Variants in FGF22 observed in about 807,000 individuals in gnomAD.
FGF22 encodes fibroblast growth factor 22, also known as FGF-22.
Under a neutral mutation model 10.3 loss-of-function variants are expected in FGF22, and 11 were observed. That is an observed-to-expected ratio of 1.07 (90% confidence interval 0.67 to 1.77). The LOEUF is 1.77. Ranked by LOEUF, FGF22 falls within the 40% of genes most tolerant of loss-of-function variation. FGF22 has a pLI of 0.00. For missense variants in FGF22, 317 were observed against 273.2 expected, an observed-to-expected ratio of 1.16 and a Z score of -1.13; for synonymous variants, 136 against 122.1, an observed-to-expected ratio of 1.11 and a Z score of -0.75.
intron 2 of FGF22, 21 bp from the exon 3 acceptor site, chr19:643,389 C>T (rs753003129): frequency 1.7e-4 from 265 of 1,602,858 alleles, no homozygotes; most frequent in Non-Finnish European, 2.0e-4. Context: ...GAGGGTGGGC[C>T]GGCCTCACCC....
exon 1 of FGF22, chr19:639,981 A>G (rs1390985989): frequency 7.9e-7 from 1 of 1,266,588 alleles, no homozygotes; most frequent in Non-Finnish European, 9.9e-7. Flanking sequence ...CGGGCGCCGG[A>G]CGCCGCGGGA....
exon 3 of FGF22, chr19:644,234 T>G (rs1191432253): frequency 6.5e-6 from 1 of 153,776 alleles, no homozygotes; most frequent in Non-Finnish European, 1.4e-5. Flanking sequence ...TGCCTCCAGA[T>G]GCTGGGGAAG....
At chr19:643,326 C>T (rs1340745807) in exon 2 of FGF22, 6 of 1,610,406 alleles carry the variant, frequency 3.7e-6, no homozygotes, top group Non-Finnish European at 5.1e-6. Context: ...GCCGGGGCCG[C>T]CTCTACGGGT....
exon 1 of FGF22, chr19:639,923 G>C (rs1465229649): frequency 1.6e-6 from 2 of 1,221,640 alleles, no homozygotes; most frequent in East Asian, 3.4e-5. Flanking sequence ...CGGGTGCCGG[G>C]TCATGCGCCG....
At position 640,152 on chromosome 19, in the gene FGF22, C is replaced by T. The variant is rs1985854525; in HGVS notation, c.214+13C>T. 6 of 1,245,354 alleles carry T rather than the reference C, an allele frequency of 4.8e-6. No individual in the cohort carries two copies. The highest frequency in any genetic ancestry group is 8.7e-5 in the Admixed American group (2 of 22,896). 77.1% of individuals were successfully genotyped at this position (1,245,354 alleles called of 1,614,324 possible). ...CACGGCCAGGACAGTGAGTGCGGGG[C>T]GGCGGGGGCCTGGGGTGGGGAGGCG... On this transcript the variant is annotated intron_variant, in intron 1 of 2. Coordinates refer to ENST00000215530, the Ensembl canonical transcript of FGF22.
chr19:641,540 C>A (rs1186240065), intron 1 of FGF22: 75 of 223,450 alleles, frequency 3.4e-4, no homozygotes, highest in Admixed American at 1.5e-3. Flanking sequence ...GCGCCACTGC[C>A]CTCCACCCTG....
At chr19:640,258 C>G in intron 1 of FGF22, 119 bp downstream of exon 1, 1 of 617,596 alleles carries the variant, frequency 1.6e-6, no homozygotes, top group Non-Finnish European at 2.3e-6. Context: ...TGTGCAGCCT[C>G]GGCCTCAGTT....
chr19:643,625 T>C, exon 3 of FGF22: 1 of 1,490,218 alleles, frequency 6.7e-7, no homozygotes, highest in East Asian at 2.5e-5. Flanking sequence ...GGCCGGCGGC[T>C]CCCCAAGGTG....
At chr19:643,121 C>CA (rs369742833) in intron 1 of FGF22, 114 bp from the exon 2 acceptor site, 278 of 260,918 alleles carry the variant, frequency 1.1e-3, no homozygotes, top group Middle Eastern at 1.9e-3. Context: ...ACTCGTGGTC[C>CA]CGGGGGTCTC....
intron 1 of FGF22, among the ~76,000 whole-genome samples, chr19:642,777 G>A (rs1985946173): frequency 6.6e-6 from 1 of 151,858 alleles, no homozygotes; most frequent in Non-Finnish European, 1.5e-5. Flanking sequence ...GGTCTGGGTG[G>A]GCCCTGCCCC....
intron 1 of FGF22, 94 bp downstream of exon 1, chr19:640,233 T>A: frequency 1.2e-6 from 1 of 803,454 alleles, no homozygotes; most frequent in Non-Finnish European, 1.7e-6. Flanking sequence ...CGCGGGGGAG[T>A]CCCGGAGGCT....
intron 1 of FGF22, among the ~76,000 whole-genome samples, chr19:642,841 GCC>G (rs557493945): frequency 1.7e-3 from 226 of 130,308 alleles, no homozygotes; most frequent in African/African-American, 6.3e-3. Flanking sequence ...TGGTGTTGCT[GCC>G]CCCCTGACGT....
At chr19:641,558 G>C (rs1600615196) in intron 1 of FGF22, 1 of 155,922 alleles carries the variant, frequency 6.4e-6, no homozygotes, top group East Asian at 1.8e-4. Context: ...CTGGGCGACA[G>C]AGCGAGACTC....
rs370619633 is a variant in FGF22, at chr19:643,348, G to A, written c.318+10G>A. On this transcript the variant is annotated intron_variant, in intron 2 of 2. Coordinates refer to ENST00000215530, the Ensembl canonical transcript of FGF22. Reference sequence around the variant, plus strand: ...CCGCCTCTACGGGTCGGTGAGTGCCGGGCAGGGCTGGGCGGCGCGGGCAGG... The same window carrying A: ...CCGCCTCTACGGGTCGGTGAGTGCCAGGCAGGGCTGGGCGGCGCGGGCAGG... The A allele has an allele frequency of 9.5e-5, 152 of 1,606,044 alleles. No individual in the cohort carries two copies. Among genetic ancestry groups the A allele is most frequent in the Middle Eastern group, 1.7e-4 (1 of 5,976 alleles).
rs796649240 is a variant in FGF22 at position 640,252 on chromosome 19, C to A, written c.214+113C>A. On this transcript the variant is annotated intron_variant, in intron 1 of 2. Coordinates refer to ENST00000215530, the Ensembl canonical transcript of FGF22. ...GGGGAGTCCCGGAGGCTCCTCTGTGCAGCCTCGGCCTCAGTTTCCGTGGTC... is the reference window on the plus strand; with the variant it reads ...GGGGAGTCCCGGAGGCTCCTCTGTGAAGCCTCGGCCTCAGTTTCCGTGGTC... 41 of 638,976 alleles carry A rather than the reference C, an allele frequency of 6.4e-5. No individual in the cohort carries two copies. In the African/African-American group the frequency reaches 7.4e-4, roughly 12 times the overall value. 39.6% of individuals were successfully genotyped at this position (638,976 alleles called of 1,614,324 possible).
At chr19:643,696 G>C in exon 3 of FGF22, 1 of 1,112,360 alleles carries the variant, frequency 9.0e-7, no homozygotes, top group East Asian at 2.6e-5. Context: ...CTCTGTAAGC[G>C]CTGAGTGCCC....
At chr19:642,773 G>A in intron 1 of FGF22, among the ~76,000 whole-genome samples, 1 of 151,896 alleles carries the variant, frequency 6.6e-6, no homozygotes. Flanking sequence ...CAGTGGTCTG[G>A]GTGGGCCCTG....
chr19:643,575 G>A lies in FGF22; in HGVS notation c.484G>A (p.Ala162Thr), dbSNP rs755440550. 66 of 1,564,830 alleles carry A rather than the reference G, an allele frequency of 4.2e-5. No homozygotes were observed. The highest frequency in any genetic ancestry group is 1.2e-4 in the African/African-American group (9 of 73,950). Residue 162 changes from alanine (A) to threonine (T), a missense_variant, in exon 3 of 3, where the codon GCC becomes ACC. Transcript: ENST00000215530. ...CCGGACGCGGCGGTACCACCTGTCC[G>A]CCCACTTCCTGCCCGTCCTGGTCTC...
In FGF22 at chr19:643,268, T is replaced by C. The variant is rs1263137106; in HGVS notation, c.248T>C (p.Val83Ala). 10 of 1,611,582 alleles carry C rather than the reference T, an allele frequency of 6.2e-6. No individual in the cohort carries two copies. Among genetic ancestry groups the C allele is most frequent in the Non-Finnish European group, 8.5e-6 (10 of 1,179,470 alleles). ...GAGATCCGCTCTGTACACGTGGGCG[T>C]CGTGGTCATCAAAGCAGTGTCCTCA... Residue 83 changes from valine to alanine, a missense_variant, in exon 2 of 3, where the codon GTC becomes GCC. Coordinates refer to ENST00000215530, the Ensembl canonical transcript of FGF22.
Sources: allele counts gnomAD v4.1 joint callset (sites outside exome capture counted in the v4.1 genomes callset), GRCh38; gene constraint gnomAD v4.1.1; transcripts MANE v1.5; gene names NCBI Gene and HGNC (gene_info 2026-07-23, HGNC 2026-07-21).